The following CGAS variants were observed in gnomAD, a reference collection of about 807,000 sequenced individuals.
CGAS encodes 2'3'-cGAMP synthase.
A neutral mutation model predicts 34.0 loss-of-function variants in CGAS; 31 were observed. The observed-to-expected ratio is 0.91, with a 90% CI of 0.69 to 1.23. CGAS has a LOEUF of 1.23. Ranked by LOEUF, CGAS falls within the 50% of genes most tolerant of loss-of-function variation. The probability of loss-of-function intolerance (pLI) is 0.00; values close to 1 mark genes in which losing one functional copy is unlikely to be tolerated. For synonymous variants in CGAS, 266 were observed against 260.0 expected (o/e 1.02, Z -0.22); for missense variants, 597 against 657.6 (o/e 0.91, Z 1.01).
intron 2 of CGAS, among the ~76,000 whole-genome samples, chr6:73,442,404 C>CTGTTTTT (rs1770393089): frequency 7.1e-6 from 1 of 140,748 alleles, no homozygotes; most frequent in Non-Finnish European, 1.5e-5. Flanking sequence ...CCAGCCCAAA[C>CTGTTTTT]TTTTTTTTTT....
At chr6:73,426,069 G>A (rs182356050) in intron 4 of CGAS, among the ~76,000 whole-genome samples, 1 of 152,150 alleles carries the variant, frequency 6.6e-6, no homozygotes, top group Non-Finnish European at 1.5e-5. Context: ...CGGATCACGA[G>A]GTCAAGAGTT....
intron 3 of CGAS, among the ~76,000 whole-genome samples, chr6:73,432,323 G>A (rs576087133): frequency 5.8e-4 from 88 of 151,804 alleles, no homozygotes; most frequent in South Asian, 2.1e-4. Context: ...CACCATGCCC[G>A]GCTAATTTTG....
intron 4 of CGAS, 80 bp downstream of exon 4, chr6:73,428,629 C>A (rs1770130775): frequency 7.5e-7 from 1 of 1,329,756 alleles, no homozygotes; most frequent in Non-Finnish European, 1.0e-6. Context: ...CAGCTCAGCT[C>A]TTCAGGTCTG....
chr6:73,439,353 C>T (rs1434662795), intron 3 of CGAS, among the ~76,000 whole-genome samples: 1 of 151,648 alleles, frequency 6.6e-6, no homozygotes, highest in Non-Finnish European at 1.5e-5. Context: ...TGGTAGCGGG[C>T]ACCTGTAGTC....
Position 73,452,256 on chromosome 6 carries a change from T to C in CGAS, c.-75A>G, listed in dbSNP as rs1278929986. Reference sequence around the variant, plus strand: ...CGCAAGAGGAAGAGCCAGCAGCAGCTGTTGGAAACCAAGCACTACTGGCGG... The same window carrying C: ...CGCAAGAGGAAGAGCCAGCAGCAGCCGTTGGAAACCAAGCACTACTGGCGG... On this transcript the variant is annotated 5_prime_UTR_variant, in exon 1 of 5. Coordinates refer to ENST00000370315, the MANE Select transcript of CGAS (RefSeq NM_138441.3). 2.0e-6 allele frequency: 3 copies of C among 1,472,278 alleles called. No homozygotes were observed. The highest frequency in any genetic ancestry group is 2.7e-6 in the Non-Finnish European group (3 of 1,109,108). The allele number at this position is 1,472,278 out of a possible 1,614,324, so 91.2% of individuals were successfully genotyped here.
chr6:73,427,997 G>A (rs1001210118), intron 4 of CGAS, among the ~76,000 whole-genome samples: 2 of 151,998 alleles, frequency 1.3e-5, no homozygotes, highest in Non-Finnish European at 2.9e-5. Flanking sequence ...ATTTTTTATG[G>A]AGGTGGGGTC....
At chr6:73,447,515 C>T (rs1243591148) in intron 1 of CGAS, among the ~76,000 whole-genome samples, 1 of 152,152 alleles carries the variant, frequency 6.6e-6, no homozygotes, top group East Asian at 1.9e-4. Flanking sequence ...AACTCCTGAC[C>T]TCAAGTGATC....
Position 73,440,409 on chromosome 6 carries a change from C to T in CGAS, c.914G>A (p.Ser305Asn). Residue 305 changes from serine (S) to asparagine (N), a missense_variant, in exon 3 of 5, where the codon AGC (serine) becomes AAC (asparagine). This residue lies in a region of CGAS where 271 missense variants were observed against 324.1 expected (regional missense o/e 0.84). Transcript: ENST00000370315. Reference sequence around the variant, plus strand: ...ACTAATAAGAAGTGTTACAGCAGGGCTCCCTCCTCTTTTCCTCTTCATGAT... The same window carrying T: ...ACTAATAAGAAGTGTTACAGCAGGGTTCCCTCCTCTTTTCCTCTTCATGAT... ...DVIMKRKRGG[S>N]PAVTLLISEK... The T allele has an allele frequency of 6.2e-7, 1 of 1,613,992 alleles. No individual in the cohort carries two copies. Among genetic ancestry groups the T allele is most frequent in the Non-Finnish European group, 8.5e-7 (1 of 1,179,992 alleles).
intron 3 of CGAS, among the ~76,000 whole-genome samples, chr6:73,438,124 T>C (rs2150812982): frequency 6.6e-6 from 1 of 152,260 alleles, no homozygotes; most frequent in Non-Finnish European, 1.5e-5. Context: ...TTTAAAAATA[T>C]AGCTTGTGAG....
chr6:73,427,590 C>A (rs1770110392), intron 4 of CGAS, among the ~76,000 whole-genome samples: 1 of 152,098 alleles, frequency 6.6e-6, no homozygotes, highest in Non-Finnish European at 1.5e-5. Flanking sequence ...CTTGAGCCAC[C>A]ATGCCTGGCC....
At chr6:73,448,735 G>A (rs1005471736) in intron 1 of CGAS, among the ~76,000 whole-genome samples, 4 of 152,074 alleles carry the variant, frequency 2.6e-5, no homozygotes, top group African/African-American at 9.7e-5. Context: ...CTCCCATGGT[G>A]CTAGGATCAC....
intron 2 of CGAS, among the ~76,000 whole-genome samples, chr6:73,441,660 G>C (rs1770382874): frequency 6.6e-6 from 1 of 152,184 alleles, no homozygotes; most frequent in Non-Finnish European, 1.5e-5. Context: ...AAGTGGAGAT[G>C]GCTGCTGGGT....
At chr6:73,449,502 C>CAA (rs1770526508) in intron 1 of CGAS, among the ~76,000 whole-genome samples, 1 of 151,530 alleles carries the variant, frequency 6.6e-6, no homozygotes, top group Non-Finnish European at 1.5e-5. Flanking sequence ...CACACACACA[C>CAA]ACACACAAAG....
chr6:73,425,489 T>C lies in CGAS; in HGVS notation c.1307A>G (p.Tyr436Cys). The C allele has an allele frequency of 6.2e-7, 1 of 1,613,852 alleles. No homozygotes were observed. Among genetic ancestry groups the C allele is most frequent in the Admixed American group, 1.7e-5 (1 of 59,896 alleles). ...GTGAAAGAAGGCAGTTTTCACATGA[T>C]AAGAAGAGAATTTATCCAGATGTTT... ...DKKHLDKFSS[Y>C]HVKTAFFHVC... Residue 436 changes from tyrosine to cysteine, a missense_variant, in exon 5 of 5, where the codon TAT becomes TGT. Physicochemically the swap from Tyr to Cys is radical, Grantham distance 194. Transcript: ENST00000370315.
At chr6:73,443,235 CTTTTTTTT>C (rs35135687) in intron 2 of CGAS, among the ~76,000 whole-genome samples, 20 of 104,222 alleles carry the variant, frequency 1.9e-4, no homozygotes, top group African/African-American at 6.8e-4. Flanking sequence ...TTCCCAAACT[CTTTTTTTT>C]TTTTTTTTTT....
At chr6:73,450,489 A>G (rs1396797218) in intron 1 of CGAS, among the ~76,000 whole-genome samples, 1 of 152,168 alleles carries the variant, frequency 6.6e-6, no homozygotes, top group East Asian at 1.9e-4. Flanking sequence ...AACACGCTCC[A>G]GTCAGGAACC....
intron 1 of CGAS, among the ~76,000 whole-genome samples, chr6:73,448,233 AAC>A (rs1363356396): frequency 6.6e-6 from 1 of 152,054 alleles, no homozygotes; most frequent in African/African-American, 2.4e-5. Flanking sequence ...CTCTACTAAA[AAC>A]ACAAAAAATT....
At chr6:73,446,187 G>C (rs1027346234) in intron 1 of CGAS, among the ~76,000 whole-genome samples, 1 of 151,894 alleles carries the variant, frequency 6.6e-6, no homozygotes, top group East Asian at 1.9e-4. Context: ...AAAATTAGCC[G>C]GGCATAGTGG....
At chr6:73,437,418 T>C (rs1445371031) in intron 3 of CGAS, among the ~76,000 whole-genome samples, 1 of 152,112 alleles carries the variant, frequency 6.6e-6, no homozygotes, top group East Asian at 1.9e-4. Flanking sequence ...CTATGTTGAG[T>C]TAAACTGTCC....
Sources: gnomAD v4.1 joint callset for allele counts (sites outside exome capture counted in the v4.1 genomes callset) on GRCh38, gnomAD v4.1.1 for gene constraint, gnomAD v4.1.1 regional missense constraint, MANE v1.5 for transcripts, NCBI Gene and HGNC (gene_info 2026-07-23, HGNC 2026-07-21) for gene names.